SPECC1L: variants seen among roughly 807,000 people sequenced by gnomAD.
SPECC1L encodes cytospin-A.
In SPECC1L, 40 loss-of-function variants were observed where a neutral mutation model predicts 116.8. The ratio of observed to expected loss-of-function variants is 0.34; its 90% confidence interval spans 0.27 to 0.45. The LOEUF is 0.45. Ranked by LOEUF, SPECC1L falls within the 20% of genes least tolerant of loss-of-function variation. The pLI is 1.00. For missense variants in SPECC1L, 1,110 were observed against 1,373.6 expected, an observed-to-expected ratio of 0.81 and a Z score of 3.03; for synonymous variants, 504 against 500.6, an observed-to-expected ratio of 1.01 and a Z score of -0.09.
At chr22:24,372,093 T>C (rs2041882436) in intron 14 of SPECC1L, among the ~76,000 whole-genome samples, 1 of 152,126 alleles carries the variant, frequency 6.6e-6, no homozygotes, top group African/African-American at 2.4e-5. Context: ...AGTTTCTTCC[T>C]TAAGGAAGTA....
Position 24,339,209 on chromosome 22 carries a change from G to C in SPECC1L, c.2652+732G>C, listed in dbSNP as rs542282790. ...CTCCTTCACAGCATGGTTATCTCCA[G>C]CTCCAAGAGACTGAAAATGAAAGTT... On this transcript the variant is annotated intron_variant, in intron 10 of 16. Transcript: ENST00000314328. Among the ~76,000 whole-genome samples, 9 of 152,242 alleles carry C rather than the reference G, an allele frequency of 5.9e-5. No individual in the cohort carries two copies. In the South Asian group the frequency reaches 1.9e-3, roughly 32 times the overall value.
At chr22:24,343,484 G>A in intron 10 of SPECC1L, 1 of 447,336 alleles carries the variant, frequency 2.2e-6, no homozygotes. Flanking sequence ...TTTTTGAGAT[G>A]GAGTCTAGTT....
At chr22:24,393,133 G>A (rs2042302949) in intron 14 of SPECC1L, among the ~76,000 whole-genome samples, 2 of 152,242 alleles carry the variant, frequency 1.3e-5, no homozygotes, top group Admixed American at 6.5e-5. Context: ...TTTTGATGGG[G>A]CATAGGAGGC....
chr22:24,326,821 C>T (rs1217051958), intron 6 of SPECC1L, among the ~76,000 whole-genome samples: 1 of 152,164 alleles, frequency 6.6e-6, no homozygotes, highest in Non-Finnish European at 1.5e-5. Context: ...TTAACTACTG[C>T]CTACCAGAAT....
intron 4 of SPECC1L, among the ~76,000 whole-genome samples, chr22:24,319,978 G>T (rs1310072010): frequency 6.6e-6 from 1 of 152,138 alleles, no homozygotes; most frequent in African/African-American, 2.4e-5. Context: ...GCCTGTAAGT[G>T]CGGTGGCTCA....
At chr22:24,358,061 A>G (rs996459981) in intron 11 of SPECC1L, among the ~76,000 whole-genome samples, 1 of 145,428 alleles carries the variant, frequency 6.9e-6, no homozygotes, top group Admixed American at 6.8e-5. Context: ...AGTAATTTTG[A>G]GTTGTGTCTT....
chr22:24,331,453 C>T (rs560143335), intron 8 of SPECC1L, among the ~76,000 whole-genome samples: 2 of 152,260 alleles, frequency 1.3e-5, no homozygotes, highest in Admixed American at 1.3e-4. Context: ...TATTATTAAA[C>T]GAATAACATA....
intron 14 of SPECC1L, among the ~76,000 whole-genome samples, chr22:24,401,589 A>G (rs1049635426): frequency 6.6e-6 from 1 of 152,182 alleles, no homozygotes; most frequent in Non-Finnish European, 1.5e-5. Flanking sequence ...AAGTTCTATC[A>G]GGTGCTTGTT....
At position 24,415,977 on chromosome 22, in the gene SPECC1L, C is replaced by CT. The variant is rs897575572; in HGVS notation, c.*1355dup. 2.0e-5 allele frequency: 3 copies of CT among 152,238 alleles called. No homozygotes were observed. Among genetic ancestry groups the CT allele is most frequent in the African/African-American group, 7.2e-5 (3 of 41,452 alleles). 9.4% of individuals were successfully genotyped at this position (152,238 alleles called of 1,614,324 possible). A position where few individuals can be genotyped will look rare whatever the true frequency, so the allele number is the denominator to read the frequency against. On this transcript the variant is annotated 3_prime_UTR_variant, in exon 17 of 17. Transcript: ENST00000314328. ...AAGACCTGTACCTTTGAGAATATAA[C>CT]TGTGTTTGGCACCTGCATAGCACCA...
In SPECC1L at chr22:24,402,780, C is replaced by T. The variant is rs114921736; in HGVS notation, c.3088-8808C>T. On this transcript the variant is annotated intron_variant, in intron 14 of 16. Transcript: ENST00000314328. ...AAAAGTGGCATTTCCTTAAATAGAC[C>T]AGAACCTTAATAGCTATTTAAAGAG... Among the ~76,000 whole-genome samples the T allele has an allele frequency of 7.6e-3, 1,160 of 152,316 alleles. 13 individuals are homozygous for T. Among genetic ancestry groups the T allele is most frequent in the African/African-American group, 0.026 (1,089 of 41,570 alleles).
chr22:24,353,121 A>G (rs530523481), intron 11 of SPECC1L, among the ~76,000 whole-genome samples: 6 of 152,352 alleles, frequency 3.9e-5, no homozygotes, highest in African/African-American at 1.2e-4. Context: ...TAACTATAGA[A>G]CAGTTACAAA....
rs62234000 is a variant in SPECC1L, at chr22:24,412,993, C to T, written c.3264+286C>T. On this transcript the variant is annotated intron_variant, in intron 16 of 16. Coordinates refer to ENST00000314328, the MANE Select transcript of SPECC1L (RefSeq NM_015330.6). ...TGGGCCCAGCCAACCTTCCCTGGGA[C>T]GGCTCTTTGCAGTCATCTCTTCCAT... 8.8e-3 allele frequency among the ~76,000 whole-genome samples: 1,345 copies of T among 152,250 alleles called. 9 individuals are homozygous for T. The highest frequency in any genetic ancestry group is 0.013 in the Non-Finnish European group (891 of 68,006).
At chr22:24,319,358 G>C (rs1601547915) in intron 4 of SPECC1L, among the ~76,000 whole-genome samples, 1 of 152,132 alleles carries the variant, frequency 6.6e-6, no homozygotes, top group South Asian at 2.1e-4. Context: ...CCTTACCATC[G>C]GCTGTCATGA....
intron 2 of SPECC1L, among the ~76,000 whole-genome samples, chr22:24,281,002 T>C (rs1328959746): frequency 2.0e-5 from 3 of 152,220 alleles, no homozygotes; most frequent in African/African-American, 7.2e-5. Context: ...GTGGTTTGTT[T>C]ACCCCTGTTA....
At chr22:24,346,982 A>G in intron 10 of SPECC1L, 104 bp from the exon 11 acceptor site, 1 of 912,108 alleles carries the variant, frequency 1.1e-6, no homozygotes, top group South Asian at 1.4e-5. Flanking sequence ...CAGTATGGAA[A>G]GAATTAATAC....
chr22:24,321,656 T>C lies in SPECC1L; in HGVS notation c.676T>C (p.Ser226Pro). Reference protein sequence around the residue: ...NEDHSEGDEKSEKETIMAHQP... With the variant: ...NEDHSEGDEKPEKETIMAHQP... Reference sequence around the variant, plus strand: ...GGATCATTCTGAGGGTGATGAAAAATCTGAGAAGGAAACTATTATGGCTCA... The same window carrying C: ...GGATCATTCTGAGGGTGATGAAAAACCTGAGAAGGAAACTATTATGGCTCA... Residue 226 changes from serine to proline, a missense_variant, in exon 5 of 17, where the codon TCT becomes CCT. By Grantham distance (74) the Ser-to-Pro change is moderately conservative. Coordinates refer to ENST00000314328, the MANE Select transcript of SPECC1L (RefSeq NM_015330.6). The C allele has an allele frequency of 6.2e-7, 1 of 1,614,096 alleles. No homozygotes were observed. The highest frequency in any genetic ancestry group is 8.5e-7 in the Non-Finnish European group (1 of 1,180,022).
chr22:24,399,262 G>A (rs2042423426), intron 14 of SPECC1L, among the ~76,000 whole-genome samples: 2 of 152,278 alleles, frequency 1.3e-5, no homozygotes, highest in South Asian at 4.1e-4. Flanking sequence ...CCTCAAAATA[G>A]GTTCATTTGA....
chr22:24,393,896 G>A (rs1018340961), intron 14 of SPECC1L, among the ~76,000 whole-genome samples: 2 of 152,058 alleles, frequency 1.3e-5, no homozygotes, highest in African/African-American at 4.8e-5. Flanking sequence ...GCTGTATATT[G>A]TTTGTATTTG....
intron 4 of SPECC1L, among the ~76,000 whole-genome samples, chr22:24,316,794 T>C (rs1384629204): frequency 6.8e-6 from 1 of 147,224 alleles, no homozygotes; most frequent in East Asian, 2.1e-4. Flanking sequence ...AGCTGTTGGG[T>C]ACACCTCCCA....
Sources: gnomAD v4.1 joint callset for allele counts (sites outside exome capture counted in the v4.1 genomes callset) on GRCh38, gnomAD v4.1.1 for gene constraint, MANE v1.5 for transcripts, NCBI Gene and HGNC (gene_info 2026-07-23, HGNC 2026-07-21) for gene names.